Variants in MAP7D1 observed in about 807,000 individuals in gnomAD.
MAP7D1 encodes MAP7 domain containing 1.
Under a neutral mutation model 97.5 loss-of-function variants are expected in MAP7D1, and 30 were observed. The ratio of observed to expected loss-of-function variants is 0.31; its 90% CI spans 0.23 to 0.42. The LOEUF is 0.42. Among genes scored for constraint, MAP7D1 ranks in the 10% least tolerant of loss-of-function variants. The probability of loss-of-function intolerance (pLI) is 1.00; values close to 1 mark genes in which losing one functional copy is unlikely to be tolerated. For missense variants in MAP7D1, 1,184 were observed against 1,179.5 expected (o/e 1.00, Z -0.06); for synonymous variants, 536 against 477.1 (o/e 1.12, Z -1.61).
chr1:36,174,112 C>G lies in MAP7D1; in HGVS notation c.739+634C>G, dbSNP rs544784312. Among the ~76,000 whole-genome samples the G allele has an allele frequency of 7.2e-5, 11 of 152,302 alleles. No individual in the cohort carries two copies. The South Asian group carries it at 2.3e-3, about 32-fold the overall frequency. On this transcript the variant is annotated intron_variant, in intron 5 of 16. Transcript: ENST00000474796. ...GCACTTGCAGCGTAACCTTTAACTT[C>G]TCGAAGTCTCACTTTCTTCATCTAT...
Position 36,177,963 on chromosome 1 carries a change from G to A in MAP7D1, c.1470G>A (p.Leu490=), listed in dbSNP as rs201908370. 3 of 1,602,120 alleles carry A rather than the reference G, an allele frequency of 1.9e-6. No homozygotes were observed. Among genetic ancestry groups the A allele is most frequent in the Non-Finnish European group, 2.6e-6 (3 of 1,172,376 alleles). ...CCAGCCCAGGGCCAGGCCACACTCT[G>A]CCTCCAAAGCCACCGTCCCCCCGAG... The part of the protein sequence containing the change: ...PCPSPGPGHT[L]PPKPPSPRGT... Residue 490 remains leucine (L), a synonymous_variant, in exon 9 of 17, where the codon CTG becomes CTA. Coordinates refer to ENST00000474796, the MANE Select transcript of MAP7D1 (RefSeq NM_001388490.1).
chr1:36,178,311 GAGGAGACTCCTGCCCTC>G (rs1249719887), intron 9 of MAP7D1, 91 bp from the exon 10 acceptor site: 109 of 1,473,274 alleles, frequency 7.4e-5, no homozygotes, highest in Non-Finnish European at 3.6e-5. Context: ...GACATGGAAA[GAGGAGACTCCTGCCCTC>G]AGCAGTCCCA....
At position 36,159,034 on chromosome 1, in the gene MAP7D1, T is replaced by TGTTA. The variant is rs1484141578; in HGVS notation, c.46+2572_46+2575dup. Among the ~76,000 whole-genome samples, 11 of 118,694 alleles carry TGTTA rather than the reference T, an allele frequency of 9.3e-5. No homozygotes were observed. Among genetic ancestry groups the TGTTA allele is most frequent in the African/African-American group, 2.6e-4 (9 of 34,218 alleles). 77.9% of individuals were successfully genotyped at this position (118,694 alleles called of 152,430 possible). ...CAGTGCCCAATAAGTGCTAGCCATT[T>TGTTA]GTTATTTATTTATTTATTTATTTAT... On this transcript the variant is annotated intron_variant, in intron 1 of 16. Coordinates refer to ENST00000474796, the MANE Select transcript of MAP7D1 (RefSeq NM_001388490.1). The surrounding 1 kb of genome is among the most constrained non-coding windows in gnomAD (Gnocchi z 5.4).
chr1:36,167,282 G>A (rs1360191621), intron 1 of MAP7D1, among the ~76,000 whole-genome samples: 1 of 152,176 alleles, frequency 6.6e-6, no homozygotes, highest in East Asian at 1.9e-4. Flanking sequence ...GGAAAACTAG[G>A]AGAATGTGCT....
At chr1:36,177,559 T>C in intron 8 of MAP7D1, 1 of 638,338 alleles carries the variant, frequency 1.6e-6, no homozygotes. Flanking sequence ...ACCTGCTGAA[T>C]GAATGGACCT....
In MAP7D1 at chr1:36,179,115, A is replaced by G. The variant is rs568537850; in HGVS notation, c.2130+90A>G. The G allele has an allele frequency of 8.7e-6, 13 of 1,501,318 alleles. No homozygotes were observed. The African/African-American group carries it at 1.7e-4, about 19-fold the overall frequency. The allele number at this position is 1,501,318 out of a possible 1,614,324, so 93.0% of individuals were successfully genotyped here. On this transcript the variant is annotated intron_variant, in intron 12 of 16. Transcript: ENST00000474796. ...CTGGGCTTAGAGCGGACAGGACGGGAAAGCGCTGGGGCAAATTCCAGTTCC... is the reference window on the plus strand; with the variant it reads ...CTGGGCTTAGAGCGGACAGGACGGGGAAGCGCTGGGGCAAATTCCAGTTCC...
intron 15 of MAP7D1, 45 bp from the exon 16 acceptor site, chr1:36,179,829 T>G: frequency 6.3e-7 from 1 of 1,579,146 alleles, no homozygotes; most frequent in African/African-American, 1.3e-5. Context: ...TGGCCTGGGC[T>G]TTCCTGGGAG....
chr1:36,180,132 C>A (rs1420299633), intron 16 of MAP7D1, 65 bp downstream of exon 16: 1 of 1,609,954 alleles, frequency 6.2e-7, no homozygotes, highest in African/African-American at 1.3e-5. Flanking sequence ...ACTCCTCAGC[C>A]CTGCCTTCTC....
At chr1:36,166,251 G>A (rs1206531886) in intron 1 of MAP7D1, among the ~76,000 whole-genome samples, 1 of 152,134 alleles carries the variant, frequency 6.6e-6, no homozygotes, top group East Asian at 1.9e-4. Context: ...AACTGAGCAG[G>A]GGGAGAAGAG....
chr1:36,162,587 A>G (rs955332803), intron 1 of MAP7D1, among the ~76,000 whole-genome samples: 2 of 152,246 alleles, frequency 1.3e-5, no homozygotes, highest in African/African-American at 4.8e-5. Context: ...AATGGGGGCC[A>G]TCATAGAACT....
chr1:36,158,078 A>G (rs1644361535), intron 1 of MAP7D1, among the ~76,000 whole-genome samples: 1 of 151,470 alleles, frequency 6.6e-6, no homozygotes, highest in African/African-American at 2.4e-5. Flanking sequence ...TAATTAGGAT[A>G]CTTGGGTAGG....
At chr1:36,171,796 T>C in intron 3 of MAP7D1, 1 of 411,790 alleles carries the variant, frequency 2.4e-6, no homozygotes, top group Non-Finnish European at 4.6e-6. Context: ...TAGCCAGGCA[T>C]GGTGGCACAT....
chr1:36,180,221 A>C, intron 16 of MAP7D1, 27 bp from the exon 17 acceptor site: 1 of 1,613,998 alleles, frequency 6.2e-7, no homozygotes, highest in Non-Finnish European at 8.5e-7. Flanking sequence ...GTTTGCCCTG[A>C]CTGTTTCCCT....
rs1234449215 is a variant in MAP7D1, at chr1:36,179,897, C to T, written c.2342C>T (p.Ala781Val). 3.7e-6 allele frequency: 6 copies of T among 1,613,328 alleles called. No homozygotes were observed. Among genetic ancestry groups the T allele is most frequent in the Non-Finnish European group, 5.1e-6 (6 of 1,179,612 alleles). ...AGTCTCCCAAGCAAGGAGTTGCCAG[C>T]GTCCCTGGTGAATGGCCTGCAGCCT... ...QWSLPSKELP[A>V]SLVNGLQPLP... is the part of the protein sequence containing the mutation. Residue 781 changes from alanine (A) to valine (V), a missense_variant, in exon 16 of 17, where the codon GCG becomes GTG. Coordinates refer to ENST00000474796, the MANE Select transcript of MAP7D1 (RefSeq NM_001388490.1).
intron 13 of MAP7D1, 91 bp from the exon 14 acceptor site, chr1:36,179,417 AGGCCGCT>A (rs1215292200): frequency 2.1e-5 from 33 of 1,574,492 alleles, no homozygotes; most frequent in Non-Finnish European, 2.7e-5. Context: ...GCTGTCAGGG[AGGCCGCT>A]GCGGCCCGGG....
rs1644692269 is a variant in MAP7D1 at position 36,179,894 on chromosome 1, C to T, written c.2339C>T (p.Pro780Leu). The change falls in exon 16 of 17, where the codon CCA becomes CTA. Residue 780 changes from proline to leucine, a missense_variant. Physicochemically the swap from Pro to Leu is moderately conservative, Grantham distance 98. Coordinates refer to ENST00000474796, the MANE Select transcript of MAP7D1 (RefSeq NM_001388490.1). ...PQWSLPSKELPASLVNGLQPL... is the reference protein window; with the variant it reads ...PQWSLPSKELLASLVNGLQPL... ...CACAGTCTCCCAAGCAAGGAGTTGC[C>T]AGCGTCCCTGGTGAATGGCCTGCAG... 1 of 1,613,290 alleles carries T rather than the reference C, an allele frequency of 6.2e-7. No homozygotes were observed. The highest frequency in any genetic ancestry group is 1.3e-5 in the African/African-American group (1 of 74,916).
Position 36,176,396 on chromosome 1 carries a change from G to C in MAP7D1, c.1048G>C (p.Asp350His). Residue 350 changes from aspartate to histidine, a missense_variant, in exon 7 of 17, where the codon GAC (aspartate) becomes CAC (histidine). Asp to His is a moderately conservative substitution (Grantham distance 81, BLOSUM62 -1). Transcript: ENST00000474796. This position sits in a 1 kb window ranked among gnomAD's most constrained non-coding sequence, Gnocchi z 6.1. ...GASLARGPQPDRTHPSAAVPV... is the reference protein window; with the variant it reads ...GASLARGPQPHRTHPSAAVPV... ...CAGCCTGGCGCGCGGGCCGCAACCC[G>C]ACCGCACTCATCCCTCTGCAGCCGT... is the stretch of plus-strand genomic sequence containing the variant. 1 of 1,531,514 alleles carries C rather than the reference G, an allele frequency of 6.5e-7. No homozygotes were observed. The highest frequency in any genetic ancestry group is 8.7e-7 in the Non-Finnish European group (1 of 1,146,258). The allele number at this position is 1,531,514 out of a possible 1,614,324, so 94.9% of individuals were successfully genotyped here.
chr1:36,164,666 G>A (rs554854827), intron 1 of MAP7D1, among the ~76,000 whole-genome samples: 1 of 152,160 alleles, frequency 6.6e-6, no homozygotes, highest in Non-Finnish European at 1.5e-5. Flanking sequence ...AGGGAGTCAG[G>A]AACTTCAGAT....
intron 8 of MAP7D1, 119 bp from the exon 9 acceptor site, chr1:36,177,754 G>A (rs1644648576): frequency 7.1e-7 from 1 of 1,413,086 alleles, no homozygotes; most frequent in Non-Finnish European, 9.4e-7. Flanking sequence ...TGAGAGCAAG[G>A]GGGCGGGGGG....
Sources: allele counts gnomAD v4.1 joint callset (sites outside exome capture counted in the v4.1 genomes callset), GRCh38; gene constraint gnomAD v4.1.1; non-coding constraint Gnocchi (gnomAD v3.1); transcripts MANE v1.5; gene names NCBI Gene and HGNC (gene_info 2026-07-23, HGNC 2026-07-21).